Variants in DAPK1 observed in about 807,000 individuals in gnomAD.
DAPK1 encodes the protein death-associated protein kinase 1.
A neutral mutation model predicts 144.9 loss-of-function variants in DAPK1; 56 were observed. That is an observed-to-expected ratio of 0.39 (90% CI 0.31 to 0.48). DAPK1 has a LOEUF of 0.48. Ranked by LOEUF, DAPK1 falls within the 20% of genes least tolerant of loss-of-function variation. DAPK1 has a pLI of 0.95. For missense variants in DAPK1, 1,454 were observed against 1,875.4 expected, an observed-to-expected ratio of 0.78 and a Z score of 4.15; for synonymous variants, 690 against 749.0, an observed-to-expected ratio of 0.92 and a Z score of 1.29.
rs1457401704 is a variant in DAPK1, at chr9:87,639,690, A to G, written c.594A>G (p.Ala198=). The G allele has an allele frequency of 3.1e-6, 5 of 1,614,112 alleles. No homozygotes were observed. The highest frequency in any genetic ancestry group is 3.4e-6 in the Non-Finnish European group (4 of 1,179,974). The stretch of plus-strand genomic sequence containing the variant: ...ACTATGAACCTCTTGGTCTTGAGGC[A>G]GATATGTGGTAAGGAGTATGTCCTT... ...IVNYEPLGLE[A]DMWSIGVITY... Residue 198 remains alanine, a synonymous_variant, in exon 6 of 26, where the codon GCA becomes GCG. Coordinates refer to ENST00000408954, the MANE Select transcript of DAPK1 (RefSeq NM_004938.4).
At position 87,641,961 on chromosome 9, in the gene DAPK1, T is replaced by G; in HGVS notation, c.829-8T>G. On this transcript the variant is annotated splice_polypyrimidine_tract_variant and splice_region_variant and intron_variant, in intron 9 of 25. Coordinates refer to ENST00000408954, the MANE Select transcript of DAPK1 (RefSeq NM_004938.4). The stretch of plus-strand genomic sequence containing the variant: ...GCTTTAATTTTTTTTCTTGGATTTT[T>G]ATTTTAGCCTAAAGATACACAACAG... 1 of 1,592,826 alleles carries G rather than the reference T, an allele frequency of 6.3e-7. No homozygotes were observed. The highest frequency in any genetic ancestry group is 8.5e-7 in the Non-Finnish European group (1 of 1,171,226).
intron 18 of DAPK1, among the ~76,000 whole-genome samples, chr9:87,662,023 T>C (rs945976014): frequency 6.6e-6 from 1 of 152,164 alleles, no homozygotes; most frequent in East Asian, 1.9e-4. Context: ...AAGGATACAG[T>C]TTCATTTTTC....
At chr9:87,546,899 G>A (rs571262383) in intron 2 of DAPK1, among the ~76,000 whole-genome samples, 2 of 152,326 alleles carry the variant, frequency 1.3e-5, no homozygotes, top group Admixed American at 1.3e-4. Context: ...ACTCATGCCT[G>A]TAGTCCCAGC....
chr9:87,562,468 C>T (rs775323309), intron 2 of DAPK1, among the ~76,000 whole-genome samples: 39 of 152,158 alleles, frequency 2.6e-4, no homozygotes, highest in Non-Finnish European at 4.3e-4. Context: ...TTTCATTGGC[C>T]AGAAGTCACA....
In DAPK1 at chr9:87,707,480, G is replaced by T; in HGVS notation, c.*116G>T. On this transcript the variant is annotated 3_prime_UTR_variant, in exon 26 of 26. Transcript: ENST00000408954. This position sits in a 1 kb window ranked among gnomAD's most constrained non-coding sequence, Gnocchi z 4.0. ...TTTCTTCCTGCACCCACAGCCAGGGGGATGCCACTCCTCCCTCCGGCTTGA... is the reference window on the plus strand; with the variant it reads ...TTTCTTCCTGCACCCACAGCCAGGGTGATGCCACTCCTCCCTCCGGCTTGA... The T allele has an allele frequency of 1.5e-6, 1 of 678,264 alleles. No individual in the cohort carries two copies. Among genetic ancestry groups the T allele is most frequent in the Non-Finnish European group, 2.5e-6 (1 of 402,266 alleles). 42.0% of individuals were successfully genotyped at this position (678,264 alleles called of 1,614,324 possible).
At chr9:87,649,724 T>A (rs1830381638) in intron 15 of DAPK1, among the ~76,000 whole-genome samples, 197 bp from the exon 16 acceptor site, 1 of 152,198 alleles carries the variant, frequency 6.6e-6, no homozygotes. Flanking sequence ...ACATCAGATC[T>A]ACCTCTTAAT....
chr9:87,633,315 C>T, intron 3 of DAPK1: 2 of 984,712 alleles, frequency 2.0e-6, no homozygotes, highest in Non-Finnish European at 2.4e-6. Context: ...GGGATGTGTA[C>T]ATATGTAGAT....
intron 21 of DAPK1, among the ~76,000 whole-genome samples, chr9:87,689,347 C>T (rs1824974423): frequency 6.6e-6 from 1 of 151,854 alleles, no homozygotes; most frequent in African/African-American, 2.4e-5. Flanking sequence ...GACCTTTGCC[C>T]ACTTTTTGAT....
intron 24 of DAPK1, among the ~76,000 whole-genome samples, chr9:87,702,126 G>T (rs1362116477): frequency 1.3e-5 from 2 of 152,286 alleles, no homozygotes; most frequent in Middle Eastern, 3.4e-3. Context: ...CTGAGCTCAG[G>T]CAGGTGGAGC....
intron 19 of DAPK1, among the ~76,000 whole-genome samples, chr9:87,677,102 G>T (rs950476513): frequency 6.6e-6 from 1 of 152,236 alleles, no homozygotes; most frequent in Non-Finnish European, 1.5e-5. Flanking sequence ...CGCCGTGCAC[G>T]TGGAAGTTAC....
At chr9:87,681,741 C>T in intron 20 of DAPK1, 115 bp downstream of exon 20, 1 of 701,784 alleles carries the variant, frequency 1.4e-6, no homozygotes, top group South Asian at 1.5e-5. Flanking sequence ...CTATACTGGA[C>T]CCTGTGGCCT....
chr9:87,639,758 T>A, intron 6 of DAPK1, 31 bp from the exon 7 acceptor site: 1 of 1,612,648 alleles, frequency 6.2e-7, no homozygotes, highest in African/African-American at 1.3e-5. Context: ...TCTTCTGACA[T>A]GTTTTTTTGT....
At chr9:87,524,128 C>T (rs1457967632) in intron 2 of DAPK1, among the ~76,000 whole-genome samples, 2 of 152,182 alleles carry the variant, frequency 1.3e-5, no homozygotes, top group Non-Finnish European at 2.9e-5. Flanking sequence ...ATTTGTGCCC[C>T]GATAGAGGTT....
chr9:87,530,830 C>A (rs1454864647), intron 2 of DAPK1, among the ~76,000 whole-genome samples: 1 of 152,094 alleles, frequency 6.6e-6, no homozygotes, highest in African/African-American at 2.4e-5. Flanking sequence ...CCCAAGGGCC[C>A]CTTTGAAGGT....
At chr9:87,552,811 G>A (rs543210984) in intron 2 of DAPK1, among the ~76,000 whole-genome samples, 1 of 151,706 alleles carries the variant, frequency 6.6e-6, no homozygotes, top group Admixed American at 6.6e-5. Context: ...GCGTTGCTCA[G>A]GCTGTTCTAG....
intron 2 of DAPK1, among the ~76,000 whole-genome samples, chr9:87,563,734 C>T (rs1334729516): frequency 1.3e-5 from 2 of 152,198 alleles, no homozygotes. Context: ...CCCACCCCAC[C>T]GCCTCTCAGA....
Position 87,616,838 on chromosome 9 carries a change from C to A in DAPK1, c.284+11663C>A, listed in dbSNP as rs1486252486. ...CGGCCACATGGCTGGAAACTGTTCT[C>A]CTTTTCTGTGGGGCTACCTGTTGGC... On this transcript the variant is annotated intron_variant, in intron 3 of 25. Coordinates refer to ENST00000408954, the MANE Select transcript of DAPK1 (RefSeq NM_004938.4). Among the ~76,000 whole-genome samples the A allele has an allele frequency of 3.9e-5, 6 of 152,224 alleles. No individual in the cohort carries two copies. In the East Asian group the frequency reaches 1.2e-3, roughly 29 times the overall value.
intron 19 of DAPK1, among the ~76,000 whole-genome samples, chr9:87,676,264 A>G (rs927252659): frequency 1.3e-5 from 2 of 152,204 alleles, no homozygotes; most frequent in Non-Finnish European, 2.9e-5. Flanking sequence ...CTGTGTAAGG[A>G]CTACTGAACT....
upstream of DAPK1, chr9:87,497,305 A>G (rs908383260): frequency 1.3e-5 from 2 of 152,246 alleles, no homozygotes; most frequent in Non-Finnish European, 2.9e-5. Context: ...CTAATGAGGT[A>G]CGCTCCCTTC....
Sources: gnomAD v4.1 joint callset for allele counts (sites outside exome capture counted in the v4.1 genomes callset) on GRCh38, gnomAD v4.1.1 for gene constraint, Gnocchi (gnomAD v3.1) non-coding constraint, MANE v1.5 for transcripts, NCBI Gene and HGNC (gene_info 2026-07-23, HGNC 2026-07-21) for gene names.